ARHGAP19: variants seen among roughly 807,000 people sequenced by gnomAD.
The protein encoded by ARHGAP19 is rho GTPase-activating protein 19.
In ARHGAP19, 48 loss-of-function variants were observed where a neutral mutation model predicts 60.9. That is an observed-to-expected ratio of 0.79 (90% CI 0.62 to 1.00). The LOEUF is 1.00. Ranked by LOEUF, ARHGAP19 falls within the 50% of genes least tolerant of loss-of-function variation. The pLI is 0.00. For synonymous variants in ARHGAP19, 209 were observed against 215.5 expected (o/e 0.97, Z 0.27); for missense variants, 562 against 597.2 (o/e 0.94, Z 0.61).
chr10:97,285,963 C>T (rs1233973956), intron 1 of ARHGAP19, among the ~76,000 whole-genome samples: 2 of 152,192 alleles, frequency 1.3e-5, no homozygotes, highest in Admixed American at 1.3e-4. Context: ...ATGCCACTTA[C>T]CAGTTTATGC....
At chr10:97,290,351 C>T (rs1360502146) in intron 1 of ARHGAP19, among the ~76,000 whole-genome samples, 2 of 152,196 alleles carry the variant, frequency 1.3e-5, no homozygotes, top group Non-Finnish European at 2.9e-5. Flanking sequence ...TTGCCACTCC[C>T]GATCGTGCTA....
intron 1 of ARHGAP19, among the ~76,000 whole-genome samples, chr10:97,280,525 TAA>T (rs374078205): frequency 1.3e-5 from 2 of 151,984 alleles, no homozygotes; most frequent in Admixed American, 6.6e-5. Context: ...ACCATTTATC[TAA>T]AAAATATTTG....
In ARHGAP19 at chr10:97,225,561, A is replaced by G. The variant is rs997386799; in HGVS notation, c.*561T>C. 6 of 152,332 alleles carry G rather than the reference A, an allele frequency of 3.9e-5. No individual in the cohort carries two copies. The highest frequency in any genetic ancestry group is 1.4e-4 in the African/African-American group (6 of 41,468). 9.4% of individuals were successfully genotyped at this position (152,332 alleles called of 1,614,324 possible). On this transcript the variant is annotated 3_prime_UTR_variant, in exon 12 of 12. Transcript: ENST00000358531. The stretch of plus-strand genomic sequence containing the variant: ...ATTAGGTATTGAGGAATACAGCCTC[A>G]TAAGATAAAGAGTTTTCCCAAAGCT...
chr10:97,268,769 G>C (rs867983315), intron 1 of ARHGAP19, among the ~76,000 whole-genome samples: 1 of 152,166 alleles, frequency 6.6e-6, no homozygotes, highest in Non-Finnish European at 1.5e-5. Context: ...CAACCGTGGG[G>C]ATTATGGGAG....
At chr10:97,254,362 T>C (rs1258266709) in intron 6 of ARHGAP19, among the ~76,000 whole-genome samples, 1 of 152,164 alleles carries the variant, frequency 6.6e-6, no homozygotes, top group Non-Finnish European at 1.5e-5. Context: ...TGGAATAGAC[T>C]AGAAAGCCAG....
intron 1 of ARHGAP19, among the ~76,000 whole-genome samples, chr10:97,291,751 T>G (rs1339487373): frequency 6.6e-6 from 1 of 152,194 alleles, no homozygotes; most frequent in Non-Finnish European, 1.5e-5. Flanking sequence ...TGAGTTACAC[T>G]GAGGCAACGT....
At chr10:97,289,914 A>G (rs1378385866) in intron 1 of ARHGAP19, among the ~76,000 whole-genome samples, 2 of 152,000 alleles carry the variant, frequency 1.3e-5, no homozygotes, top group Non-Finnish European at 2.9e-5. Flanking sequence ...ATAAATTCAA[A>G]CTACTCTTGC....
intron 1 of ARHGAP19, among the ~76,000 whole-genome samples, chr10:97,288,203 T>C (rs988586729): frequency 2.0e-5 from 3 of 152,198 alleles, no homozygotes; most frequent in Admixed American, 1.3e-4. Flanking sequence ...AATATTTACA[T>C]ATGTATTCAT....
intron 6 of ARHGAP19, among the ~76,000 whole-genome samples, chr10:97,252,381 G>T (rs1446206806): frequency 1.3e-5 from 2 of 150,984 alleles, no homozygotes; most frequent in Non-Finnish European, 2.9e-5. Flanking sequence ...CCAGCATTTT[G>T]GGAGGCTGAG....
intron 8 of ARHGAP19, among the ~76,000 whole-genome samples, chr10:97,241,171 A>G (rs1264541353): frequency 3.3e-5 from 5 of 151,330 alleles, no homozygotes; most frequent in African/African-American, 1.2e-4. Flanking sequence ...AAATACAAAA[A>G]CATTAGCCGG....
chr10:97,248,388 TG>T (rs955741315), intron 6 of ARHGAP19, among the ~76,000 whole-genome samples: 14 of 151,722 alleles, frequency 9.2e-5, no homozygotes, highest in African/African-American at 3.4e-4. Flanking sequence ...CACTCCAGCC[TG>T]GGTGACAGAG....
chr10:97,270,653 G>C (rs972688568), intron 1 of ARHGAP19: 4 of 1,547,800 alleles, frequency 2.6e-6, no homozygotes, highest in African/African-American at 2.7e-5. Flanking sequence ...CGAAGAGACA[G>C]GAAGAAAGCT....
chr10:97,232,411 C>A (rs1015745676), intron 9 of ARHGAP19, among the ~76,000 whole-genome samples: 1 of 152,100 alleles, frequency 6.6e-6, no homozygotes, highest in Non-Finnish European at 1.5e-5. Flanking sequence ...GATCCGCCCA[C>A]CTCAGCCTCC....
At chr10:97,269,805 G>A (rs913291924) in intron 1 of ARHGAP19, among the ~76,000 whole-genome samples, 4 of 152,022 alleles carry the variant, frequency 2.6e-5, no homozygotes, top group Admixed American at 6.6e-5. Context: ...TGTATTAATA[G>A]GAACCATTAT....
intron 5 of ARHGAP19, among the ~76,000 whole-genome samples, chr10:97,256,897 A>G (rs1008434120): frequency 6.6e-5 from 10 of 152,052 alleles, no homozygotes; most frequent in South Asian, 2.1e-4. Flanking sequence ...CAAGGCGGGC[A>G]GATCACGAGG....
At chr10:97,239,261 G>A (rs1409491610) in intron 8 of ARHGAP19, among the ~76,000 whole-genome samples, 3 of 152,170 alleles carry the variant, frequency 2.0e-5, no homozygotes, top group East Asian at 1.9e-4. Flanking sequence ...TTGGGAGGCC[G>A]AGGTGGGGGG....
At chr10:97,239,554 GTGTGTGTGTGT>G (rs1842442272) in intron 8 of ARHGAP19, among the ~76,000 whole-genome samples, 6 of 9,878 alleles carry the variant, frequency 6.1e-4, no homozygotes, top group East Asian at 4.9e-3. Context: ...GAGAGAGGGT[GTGTGTGTGTGT>G]GTGTGTGTGT....
Position 97,233,739 on chromosome 10 carries a change from A to G in ARHGAP19, c.1284+1478T>C, listed in dbSNP as rs180694328. Reference sequence around the variant, plus strand: ...AAAAATGAGCCAGGCATGGTGGCGCACGCCTGTAGTCCCAGCTACTTGGGA... The same window carrying G: ...AAAAATGAGCCAGGCATGGTGGCGCGCGCCTGTAGTCCCAGCTACTTGGGA... On this transcript the variant is annotated intron_variant, in intron 9 of 11. Coordinates refer to ENST00000358531, the MANE Select transcript of ARHGAP19 (RefSeq NM_032900.6). Among the ~76,000 whole-genome samples the G allele has an allele frequency of 8.0e-5, 12 of 150,608 alleles. No individual in the cohort carries two copies. The East Asian group carries it at 2.2e-3, about 28-fold the overall frequency.
intron 1 of ARHGAP19, among the ~76,000 whole-genome samples, chr10:97,281,408 AAG>A (rs1356450236): frequency 6.6e-6 from 1 of 152,146 alleles, no homozygotes; most frequent in Non-Finnish European, 1.5e-5. Context: ...TGTTTCAAAA[AAG>A]AAAAGAGTTT....
Sources: gnomAD v4.1 joint callset for allele counts (sites outside exome capture counted in the v4.1 genomes callset) on GRCh38, gnomAD v4.1.1 for gene constraint, MANE v1.5 for transcripts, NCBI Gene and HGNC (gene_info 2026-07-23, HGNC 2026-07-21) for gene names.